CNTN4: variants seen among roughly 807,000 people sequenced by gnomAD.
CNTN4 encodes the protein contactin-4.
CNTN4 carries 77 observed loss-of-function variants against 122.5 expected under a neutral mutation model. The ratio of observed to expected loss-of-function variants is 0.63; its 90% confidence interval spans 0.52 to 0.76. CNTN4 has a LOEUF of 0.76. CNTN4 is among the 30% of genes least tolerant of loss of function. The probability of loss-of-function intolerance (pLI) is 0.00; values close to 1 mark genes in which losing one functional copy is unlikely to be tolerated. For missense variants in CNTN4, 1,256 were observed against 1,259.1 expected (o/e 1.00, Z 0.04); for synonymous variants, 512 against 447.0 (o/e 1.15, Z -1.83).
At chr3:2,615,112 T>C (rs2081656495) in intron 4 of CNTN4, among the ~76,000 whole-genome samples, 1 of 152,186 alleles carries the variant, frequency 6.6e-6, no homozygotes, top group Non-Finnish European at 1.5e-5. Flanking sequence ...AATTTGTTTT[T>C]GCACATCACT....
chr3:2,120,470 C>A (rs546882598), intron 2 of CNTN4, among the ~76,000 whole-genome samples: 2 of 142,630 alleles, frequency 1.4e-5, no homozygotes, highest in South Asian at 2.3e-4. Flanking sequence ...GTGGCATGGT[C>A]TCCACGGACT....
intron 6 of CNTN4, among the ~76,000 whole-genome samples, chr3:2,806,584 C>T (rs2092473178): frequency 6.6e-6 from 1 of 152,322 alleles, no homozygotes; most frequent in East Asian, 1.9e-4. Flanking sequence ...TCATATGTCT[C>T]CTCAGTTGTT....
At chr3:2,422,855 T>C (rs1380950339) in intron 3 of CNTN4, among the ~76,000 whole-genome samples, 2 of 152,210 alleles carry the variant, frequency 1.3e-5, no homozygotes, top group Non-Finnish European at 2.9e-5. Context: ...TAATGAGATA[T>C]AACATTTCCT....
intron 4 of CNTN4, among the ~76,000 whole-genome samples, chr3:2,672,071 T>G (rs1341812406): frequency 6.6e-6 from 1 of 152,192 alleles, no homozygotes; most frequent in Non-Finnish European, 1.5e-5. Flanking sequence ...AGGGACCCAC[T>G]TGAGGAGGCA....
intron 4 of CNTN4, among the ~76,000 whole-genome samples, chr3:2,659,791 C>A (rs925863782): frequency 1.3e-5 from 2 of 152,038 alleles, no homozygotes; most frequent in African/African-American, 4.8e-5. Flanking sequence ...TGATTGTTTT[C>A]TTTTGATGTG....
intron 3 of CNTN4, among the ~76,000 whole-genome samples, chr3:2,513,543 A>G (rs2076951948): frequency 6.6e-6 from 1 of 152,090 alleles, no homozygotes; most frequent in Non-Finnish European, 1.5e-5. Context: ...ACTTAGCAGA[A>G]ACGATTGCCT....
At chr3:2,144,406 G>T (rs2035146236) in intron 2 of CNTN4, among the ~76,000 whole-genome samples, 1 of 152,186 alleles carries the variant, frequency 6.6e-6, no homozygotes, top group Non-Finnish European at 1.5e-5. Flanking sequence ...GACTTTGTTG[G>T]TTCTACCTTA....
chr3:2,516,460 G>C (rs948049493), intron 3 of CNTN4, among the ~76,000 whole-genome samples: 41 of 151,856 alleles, frequency 2.7e-4, no homozygotes, highest in African/African-American at 9.2e-4. Flanking sequence ...CATTGCTTTT[G>C]GTTTTAATCT....
chr3:3,009,676 G>A lies in CNTN4; in HGVS notation c.1487-16426G>A, dbSNP rs559903799. Among the ~76,000 whole-genome samples, 19 of 152,118 alleles carry A rather than the reference G, an allele frequency of 1.2e-4. No homozygotes were observed. The East Asian group carries it at 2.3e-3, about 19-fold the overall frequency. On this transcript the variant is annotated intron_variant, in intron 14 of 24. Transcript: ENST00000418658. ...TCTCGATCTCCTGACCTCGTGATCTGCCCTCCTCGGCCTCCCATAGTGCTG... is the reference window on the plus strand; with the variant it reads ...TCTCGATCTCCTGACCTCGTGATCTACCCTCCTCGGCCTCCCATAGTGCTG...
chr3:2,523,195 G>A (rs1281346455), intron 3 of CNTN4, among the ~76,000 whole-genome samples: 1 of 151,918 alleles, frequency 6.6e-6, no homozygotes, highest in Non-Finnish European at 1.5e-5. Context: ...AGACACTCTT[G>A]TTTGTTTCTT....
At chr3:2,840,444 T>A (rs1390322121) in intron 7 of CNTN4, among the ~76,000 whole-genome samples, 1 of 151,334 alleles carries the variant, frequency 6.6e-6, no homozygotes, top group South Asian at 2.1e-4. Flanking sequence ...CTCACGCCTG[T>A]CATCCCAGCA....
chr3:2,487,894 G>T (rs758393209), intron 3 of CNTN4, among the ~76,000 whole-genome samples: 11 of 152,084 alleles, frequency 7.2e-5, no homozygotes, highest in Non-Finnish European at 1.5e-4. Flanking sequence ...AGTTATATTT[G>T]TTCATGAAAA....
chr3:2,470,442 A>T (rs993857963), intron 3 of CNTN4, among the ~76,000 whole-genome samples: 2 of 152,158 alleles, frequency 1.3e-5, no homozygotes, highest in African/African-American at 4.8e-5. Context: ...TAATTTTTCT[A>T]TTGATAAAAT....
At chr3:2,784,293 C>G (rs1286972060) in intron 6 of CNTN4, among the ~76,000 whole-genome samples, 1 of 152,192 alleles carries the variant, frequency 6.6e-6, no homozygotes. Context: ...ACCGCCTATA[C>G]TGTTTTGAAA....
chr3:2,259,513 A>G (rs2040734567), intron 2 of CNTN4, among the ~76,000 whole-genome samples: 1 of 152,290 alleles, frequency 6.6e-6, no homozygotes, highest in South Asian at 2.1e-4. Context: ...ATAAAGAAAA[A>G]GCGGTTTAAT....
At chr3:2,172,285 A>C (rs927956632) in intron 2 of CNTN4, among the ~76,000 whole-genome samples, 2 of 152,168 alleles carry the variant, frequency 1.3e-5, no homozygotes, top group African/African-American at 2.4e-5. Flanking sequence ...ATTATTCTAA[A>C]TGAAGTAACT....
intron 2 of CNTN4, among the ~76,000 whole-genome samples, chr3:2,107,786 ATTTG>A (rs1014358743): frequency 5.3e-5 from 8 of 152,200 alleles, no homozygotes; most frequent in African/African-American, 1.4e-4. Context: ...TGGGGGTTTT[ATTTG>A]TTTGTTTGTT....
intron 3 of CNTN4, among the ~76,000 whole-genome samples, chr3:2,551,305 T>A (rs1352769456): frequency 6.6e-6 from 1 of 152,070 alleles, no homozygotes; most frequent in Non-Finnish European, 1.5e-5. Flanking sequence ...GAATGTCAGC[T>A]CAAAATCTAA....
chr3:2,926,622 G>T (rs1226803817), intron 13 of CNTN4, among the ~76,000 whole-genome samples: 1 of 152,094 alleles, frequency 6.6e-6, no homozygotes, highest in Non-Finnish European at 1.5e-5. Flanking sequence ...TAAAGGTCAG[G>T]TACTCAAGGA....
Sources: allele counts gnomAD v4.1 joint callset (sites outside exome capture counted in the v4.1 genomes callset), GRCh38; gene constraint gnomAD v4.1.1; transcripts MANE v1.5; gene names NCBI Gene and HGNC (gene_info 2026-07-23, HGNC 2026-07-21).